Variants in ZNF814 observed in about 807,000 individuals in gnomAD.
ZNF814 encodes the protein zinc finger protein 814.
Under a neutral mutation model 7.5 loss-of-function variants are expected in ZNF814, and 5 were observed. The ratio of observed to expected loss-of-function variants is 0.67; its 90% CI spans 0.35 to 1.40. ZNF814 has a LOEUF of 1.40. Ranked by LOEUF, ZNF814 falls within the 40% of genes most tolerant of loss-of-function variation. The pLI, the probability that ZNF814 is intolerant of heterozygous loss-of-function variation, is 0.04. For missense variants in ZNF814, 962 were observed against 1,018.0 expected (o/e 0.94, Z 0.75); for synonymous variants, 315 against 340.7 (o/e 0.92, Z 0.83).
upstream of ZNF814, among the ~76,000 whole-genome samples, chr19:57,892,389 G>T (rs542661717): frequency 1.3e-5 from 2 of 152,296 alleles, no homozygotes; most frequent in Admixed American, 1.3e-4. Flanking sequence ...GTCTCTCCTG[G>T]TTAAAGGCTC....
At chr19:57,904,161 A>G in the ZNF814 span, among the ~76,000 whole-genome samples, 2 of 152,200 alleles carry the variant, frequency 1.3e-5, no homozygotes, top group African/African-American at 4.8e-5. Flanking sequence ...TTGAATTAGA[A>G]GAACCTATTC....
the ZNF814 span, among the ~76,000 whole-genome samples, chr19:57,894,811 G>A: frequency 1.3e-4 from 20 of 150,824 alleles, no homozygotes; most frequent in African/African-American, 4.6e-4. Context: ...TCTAGCCTGG[G>A]CAACAGAGCG....
chr19:57,885,549 G>C (rs1294478659), intron 1 of ZNF814, among the ~76,000 whole-genome samples: 2 of 149,784 alleles, frequency 1.3e-5, no homozygotes, highest in Admixed American at 6.7e-5. Context: ...AGAATCGCGT[G>C]AATCTGGGCA....
chr19:57,901,151 TA>T, the ZNF814 span, among the ~76,000 whole-genome samples: 4 of 152,126 alleles, frequency 2.6e-5, no homozygotes, highest in African/African-American at 9.7e-5. Context: ...GGCTGCATTT[TA>T]ACAGCAGTGA....
rs2071576619 is a variant in ZNF814 at position 57,873,643 on chromosome 19, T to G, written c.1747A>C (p.Lys583Gln). The G allele has an allele frequency of 1.2e-6, 2 of 1,614,052 alleles. No individual in the cohort carries two copies. The highest frequency in any genetic ancestry group is 3.3e-4 in the Middle Eastern group (2 of 6,062). ...ERSYGCGECG[K>Q]SFSSIGHLRS... ...AGGTGCCCGATTGAACTAAAAGATT[T>G]CCCACATTCTCCACACCCATAAGAT... The change falls in exon 3 of 3, where the codon AAA becomes CAA. Residue 583 changes from lysine to glutamine, a missense_variant. This residue lies in a region of ZNF814 where 665 missense variants were observed against 551.4 expected (regional missense o/e 1.21). Transcript: ENST00000435989.
chr19:57,896,679 G>T, the ZNF814 span, among the ~76,000 whole-genome samples: 1 of 152,120 alleles, frequency 6.6e-6, no homozygotes, highest in African/African-American at 2.4e-5. The surrounding 1 kb of genome is among the most constrained non-coding windows in gnomAD (Gnocchi z 4.2). Flanking sequence ...TTTCTTTTAA[G>T]CTATTAATGG....
the ZNF814 span, among the ~76,000 whole-genome samples, chr19:57,897,321 A>G: frequency 1.3e-5 from 2 of 152,198 alleles, no homozygotes. Context: ...CTATGGCTGG[A>G]TTAAAGGTGG....
chr19:57,887,466 A>G (rs986101857), intron 1 of ZNF814, among the ~76,000 whole-genome samples: 7 of 152,048 alleles, frequency 4.6e-5, no homozygotes, highest in African/African-American at 1.4e-4. Flanking sequence ...GTTTGCTCCT[A>G]TATCTTTTTC....
the ZNF814 span, among the ~76,000 whole-genome samples, chr19:57,895,738 G>A: frequency 2.6e-5 from 4 of 152,106 alleles, no homozygotes; most frequent in South Asian, 8.3e-4. Context: ...CCTTTGGGCC[G>A]GTGGGTTTCT....
chr19:57,883,939 T>C (rs971005586), intron 1 of ZNF814, among the ~76,000 whole-genome samples: 1 of 152,000 alleles, frequency 6.6e-6, no homozygotes, highest in African/African-American at 2.4e-5. Flanking sequence ...GTATTTTTAG[T>C]AGAGATGGGG....
intron 1 of ZNF814, 110 bp from the exon 2 acceptor site, chr19:57,877,152 CAT>C: frequency 6.7e-7 from 1 of 1,501,924 alleles, no homozygotes; most frequent in Non-Finnish European, 9.0e-7. Flanking sequence ...GGTCCTCAAA[CAT>C]AGGAGAAACT....
At chr19:57,890,052 A>G (rs2071726004), upstream of ZNF814, among the ~76,000 whole-genome samples, 2 of 152,154 alleles carry the variant, frequency 1.3e-5, no homozygotes. Context: ...CAAAGGCTAC[A>G]GATCCAAATT....
Position 57,873,677 on chromosome 19 carries a change from A to G in ZNF814, c.1713T>C (p.Pro571=). Residue 571 remains proline, a synonymous_variant, in exon 3 of 3, where the codon CCT becomes CCC. Coordinates refer to ENST00000435989, the MANE Select transcript of ZNF814 (RefSeq NM_001144989.2). The stretch of plus-strand genomic sequence containing the variant: ...CTCCACACCCATAAGATCTTTCTCT[A>G]GGGTGAACTCGCTGATGTAGAATGA... ...GTLILHQRVH[P]RERSYGCGEC... 6.2e-7 allele frequency: 1 copy of G among 1,613,966 alleles called. No individual in the cohort carries two copies. The highest frequency in any genetic ancestry group is 1.1e-5 in the South Asian group (1 of 91,066).
At chr19:57,899,745 T>G in the ZNF814 span, among the ~76,000 whole-genome samples, 1 of 152,190 alleles carries the variant, frequency 6.6e-6, no homozygotes, top group Non-Finnish European at 1.5e-5. Context: ...CTACTAAACA[T>G]TCACCTACAG....
the ZNF814 span, among the ~76,000 whole-genome samples, chr19:57,894,118 C>G: frequency 6.7e-6 from 1 of 150,244 alleles, no homozygotes; most frequent in Non-Finnish European, 1.5e-5. Context: ...TGGCTCATGC[C>G]TGTAACCCCA....
chr19:57,888,612 G>A (rs1240317645), intron 1 of ZNF814, among the ~76,000 whole-genome samples, 155 bp downstream of exon 1: 3 of 152,038 alleles, frequency 2.0e-5, no homozygotes, highest in Non-Finnish European at 4.4e-5. Flanking sequence ...TCTCCCCACC[G>A]CATCCCACGG....
Position 57,874,128 on chromosome 19 carries a change from CT to C in ZNF814, c.1261del (p.Ser421AlafsTer50). 1 of 1,597,516 alleles carries C rather than the reference CT, an allele frequency of 6.3e-7. No individual in the cohort carries two copies. The highest frequency in any genetic ancestry group is 2.3e-5 in the East Asian group (1 of 43,850). Reference sequence around the variant, plus strand: ...AAATCGCTGATGTTGAATGAGGCTGCTCTTTTGACTAAAGGATTTCCCACAT... The same window carrying C: ...AAATCGCTGATGTTGAATGAGGCTGCCTTTTGACTAAAGGATTTCCCACAT... ...GECGKSFSQK[S>X]SLIQHQRFHT... On this transcript the variant is annotated frameshift_variant, in exon 3 of 3. Transcript: ENST00000435989. LOFTEE classifies it low-confidence loss of function (END_TRUNC).
Position 57,873,871 on chromosome 19 carries a change from G to C in ZNF814, c.1519C>G (p.Leu507Val), listed in dbSNP as rs774640197. The change falls in exon 3 of 3, where the codon CTC becomes GTC. Residue 507 changes from leucine to valine, a missense_variant. Leu to Val is a conservative substitution (Grantham distance 32). Transcript: ENST00000435989. ...CGKSFSQKGN[L>V]VLHQRVHTGA... Reference sequence around the variant, plus strand: ...GTGTGAACTCGCTGGTGTAGAACGAGGTTGCCCTTTTGACTGAAAGATTTC... The same window carrying C: ...GTGTGAACTCGCTGGTGTAGAACGACGTTGCCCTTTTGACTGAAAGATTTC... The C allele has an allele frequency of 1.2e-6, 2 of 1,613,606 alleles. No individual in the cohort carries two copies. Among genetic ancestry groups the C allele is most frequent in the Admixed American group, 1.7e-5 (1 of 59,956 alleles).
Position 57,872,728 on chromosome 19 carries a change from A to G in ZNF814, c.*94T>C, listed in dbSNP as rs1340060032. On this transcript the variant is annotated 3_prime_UTR_variant, in exon 3 of 3. Coordinates refer to ENST00000435989, the MANE Select transcript of ZNF814 (RefSeq NM_001144989.2). ...AGCTGTGGGTAGATGACTTCCCACA[A>G]TCACTGCATTCATATGGCCTTTCTC... is the stretch of plus-strand genomic sequence containing the variant. The G allele has an allele frequency of 1.9e-6, 3 of 1,607,308 alleles. No homozygotes were observed. Among genetic ancestry groups the G allele is most frequent in the East Asian group, 4.5e-5 (2 of 44,780 alleles).
Sources: allele counts gnomAD v4.1 joint callset (sites outside exome capture counted in the v4.1 genomes callset), GRCh38; gene constraint gnomAD v4.1.1; regional missense constraint gnomAD v4.1.1; non-coding constraint Gnocchi (gnomAD v3.1); transcripts MANE v1.5; gene names NCBI Gene and HGNC (gene_info 2026-07-23, HGNC 2026-07-21).